Variants in AP1B1 observed in about 807,000 individuals in gnomAD.
AP1B1 encodes adaptor related protein complex 1 subunit beta 1, also known as AP-1 complex subunit beta-1.
A neutral mutation model predicts 104.3 loss-of-function variants in AP1B1; 36 were observed. The ratio of observed to expected loss-of-function variants is 0.35; its 90% CI spans 0.26 to 0.46. The LOEUF (loss-of-function observed/expected upper bound fraction) is 0.46, where lower values mean the gene tolerates loss of function less well. Among genes scored for constraint, AP1B1 ranks in the 20% least tolerant of loss-of-function variants. AP1B1 has a pLI of 1.00. For missense variants in AP1B1, 901 were observed against 1,247.9 expected (o/e 0.72, Z 4.19); for synonymous variants, 504 against 517.5 (o/e 0.97, Z 0.35).
At chr22:29,370,008 T>C (rs960016568) in intron 1 of AP1B1, among the ~76,000 whole-genome samples, 1 of 152,034 alleles carries the variant, frequency 6.6e-6, no homozygotes, top group African/African-American at 2.4e-5. Context: ...CTTGAGAGTG[T>C]AACTGCCAAA....
chr22:29,337,986 G>A (rs1220775753), intron 16 of AP1B1, among the ~76,000 whole-genome samples: 2 of 152,138 alleles, frequency 1.3e-5, no homozygotes, highest in African/African-American at 4.8e-5. Flanking sequence ...AAGAAGAAAC[G>A]CTCAGCCTGG....
chr22:29,378,860 CAAAAAA>C (rs695434), intron 1 of AP1B1, among the ~76,000 whole-genome samples: 1 of 110,162 alleles, frequency 9.1e-6, no homozygotes, highest in Non-Finnish European at 1.8e-5. Flanking sequence ...CTCCGTCCCA[CAAAAAA>C]AAAAAAAAAA....
At chr22:29,341,472 G>A in intron 13 of AP1B1, 29 bp downstream of exon 13, 1 of 1,597,978 alleles carries the variant, frequency 6.3e-7, no homozygotes, top group Non-Finnish European at 8.6e-7. Context: ...GAGTGTGAAG[G>A]CGCAGGCCGA....
At chr22:29,374,695 C>A (rs1036790942) in intron 1 of AP1B1, among the ~76,000 whole-genome samples, 1 of 152,216 alleles carries the variant, frequency 6.6e-6, no homozygotes, top group Non-Finnish European at 1.5e-5. Flanking sequence ...ACGCTACAAC[C>A]TCTGAAGCAA....
Position 29,341,774 on chromosome 22 carries a change from G to A in AP1B1, c.1537-14C>T. The A allele has an allele frequency of 6.3e-7, 1 of 1,594,368 alleles. No individual in the cohort carries two copies. Among genetic ancestry groups the A allele is most frequent in the Non-Finnish European group, 8.6e-7 (1 of 1,166,458 alleles). ...GTTATCTGAGTCCTTGTGGGGGTGAGGAGAAGCCCATGAAACTCAGAGTAG... is the reference window on the plus strand; with the variant it reads ...GTTATCTGAGTCCTTGTGGGGGTGAAGAGAAGCCCATGAAACTCAGAGTAG... On this transcript the variant is annotated splice_polypyrimidine_tract_variant and intron_variant, in intron 12 of 22. Coordinates refer to ENST00000357586, the MANE Select transcript of AP1B1 (RefSeq NM_001127.4).
At position 29,351,713 on chromosome 22, in the gene AP1B1, T is replaced by A; in HGVS notation, c.1051A>T (p.Ile351Phe). ...IMIRLASQAN[I>F]AQVLAELKEY... is the part of the protein sequence containing the mutation. ...CATCACACGCAGCTGACCTGGGCGA[T>A]GTTGGCCTGAGAGGCCAGGCGGATC... The change falls in exon 8 of 23, where the codon ATC (isoleucine) becomes TTC (phenylalanine). Residue 351 changes from isoleucine (I) to phenylalanine (F), a missense_variant. Physicochemically the swap from Ile to Phe is conservative, Grantham distance 21. Transcript: ENST00000357586. The A allele has an allele frequency of 6.2e-7, 1 of 1,613,982 alleles. No individual in the cohort carries two copies. Among genetic ancestry groups the A allele is most frequent in the Non-Finnish European group, 8.5e-7 (1 of 1,180,010 alleles).
chr22:29,368,371 A>G (rs1266154671), intron 1 of AP1B1, among the ~76,000 whole-genome samples: 1 of 152,166 alleles, frequency 6.6e-6, no homozygotes, highest in Admixed American at 6.5e-5. Flanking sequence ...CATTTAACAA[A>G]AATTTACTGA....
chr22:29,341,318 C>T (rs1363999313), intron 13 of AP1B1, among the ~76,000 whole-genome samples, 183 bp downstream of exon 13: 1 of 152,256 alleles, frequency 6.6e-6, no homozygotes, highest in Non-Finnish European at 1.5e-5. Context: ...TCAGCACTGT[C>T]GTTAGGCTGG....
At chr22:29,386,679 T>G (rs1226309938) in intron 1 of AP1B1, among the ~76,000 whole-genome samples, 1 of 151,806 alleles carries the variant, frequency 6.6e-6, no homozygotes, top group South Asian at 2.1e-4. Context: ...TACAGTAATA[T>G]TTATATACAG....
chr22:29,334,233 T>C, intron 17 of AP1B1, 32 bp downstream of exon 17: 1 of 1,555,862 alleles, frequency 6.4e-7, no homozygotes, highest in South Asian at 1.2e-5. Context: ...GGCCTCCTCT[T>C]GAGAGGTGCG....
intron 1 of AP1B1, among the ~76,000 whole-genome samples, chr22:29,384,238 CGAGA>C (rs906324237): frequency 6.6e-6 from 1 of 151,932 alleles, no homozygotes; most frequent in African/African-American, 2.4e-5. Flanking sequence ...TTACTACTAC[CGAGA>C]GAGAGAGAGT....
intron 6 of AP1B1, among the ~76,000 whole-genome samples, chr22:29,355,763 G>T (rs2061946795): frequency 6.6e-6 from 1 of 151,440 alleles, no homozygotes. Context: ...GCTCATGTTG[G>T]CATGCAGATG....
At chr22:29,384,792 C>T (rs188859416) in intron 1 of AP1B1, among the ~76,000 whole-genome samples, 142 of 152,108 alleles carry the variant, frequency 9.3e-4, no homozygotes, top group African/African-American at 3.2e-3. Flanking sequence ...TGCTTGAACC[C>T]GGGAGGCGGA....
intron 2 of AP1B1, 61 bp from the exon 3 acceptor site, chr22:29,363,167 T>A: frequency 1.3e-6 from 1 of 794,994 alleles, no homozygotes; most frequent in South Asian, 1.5e-5. Flanking sequence ...CAATTCCCAG[T>A]ATCTAACTTC....
At chr22:29,330,787 G>C (rs779005670) in intron 19 of AP1B1, 78 bp from the exon 20 acceptor site, 36 of 1,287,810 alleles carry the variant, frequency 2.8e-5, no homozygotes, top group Non-Finnish European at 3.4e-5. Flanking sequence ...GCAGGAAATG[G>C]GTCTGGCCTT....
rs1348069283 is a variant in AP1B1, at chr22:29,334,302, C to A, written c.2272G>T (p.Val758Phe). The change falls in exon 17 of 23, where the codon GTC (valine) becomes TTC (phenylalanine). Residue 758 changes from valine (V) to phenylalanine (F), a missense_variant. Transcript: ENST00000357586. ...DLQLTNKALQ[V>F]MTDFAIQFNR... Reference sequence around the variant, plus strand: ...AACTGGATGGCAAAGTCGGTCATGACCTGCAAGGCCTTGTTGGTCAGCTGC... The same window carrying A: ...AACTGGATGGCAAAGTCGGTCATGAACTGCAAGGCCTTGTTGGTCAGCTGC... The A allele has an allele frequency of 1.2e-6, 2 of 1,607,908 alleles. No individual in the cohort carries two copies. Among genetic ancestry groups the A allele is most frequent in the African/African-American group, 1.3e-5 (1 of 74,636 alleles).
At chr22:29,368,563 T>A (rs1265014487) in intron 1 of AP1B1, among the ~76,000 whole-genome samples, 8 of 152,178 alleles carry the variant, frequency 5.3e-5, no homozygotes, top group African/African-American at 1.7e-4. Flanking sequence ...CTGCTTTGAA[T>A]CCCATTTTAC....
chr22:29,328,732 G>A lies in AP1B1; in HGVS notation c.*89C>T. 1 of 1,474,852 alleles carries A rather than the reference G, an allele frequency of 6.8e-7. No individual in the cohort carries two copies. Among genetic ancestry groups the A allele is most frequent in the South Asian group, 1.2e-5 (1 of 81,000 alleles). 91.4% of individuals were successfully genotyped at this position (1,474,852 alleles called of 1,614,324 possible). On this transcript the variant is annotated 3_prime_UTR_variant, in exon 23 of 23. Coordinates refer to ENST00000357586, the MANE Select transcript of AP1B1 (RefSeq NM_001127.4). This position sits in a 1 kb window ranked among gnomAD's most constrained non-coding sequence, Gnocchi z 4.1. ...ACTGAGTGGCCTGGAGCCCCGCCTG[G>A]TCCCTCCTGCGAGGAGGAAGATGTG...
chr22:29,386,627 G>A (rs967226121), intron 1 of AP1B1, among the ~76,000 whole-genome samples: 19 of 152,028 alleles, frequency 1.2e-4, no homozygotes, highest in Non-Finnish European at 2.5e-4. Context: ...GAATTCAATG[G>A]AACTAGGAGA....
Sources: allele counts gnomAD v4.1 joint callset (sites outside exome capture counted in the v4.1 genomes callset), GRCh38; gene constraint gnomAD v4.1.1; non-coding constraint Gnocchi (gnomAD v3.1); transcripts MANE v1.5; gene names NCBI Gene and HGNC (gene_info 2026-07-23, HGNC 2026-07-21).